NTRK2: variants seen among roughly 807,000 people sequenced by gnomAD.
NTRK2 encodes the protein BDNF/NT-3 growth factors receptor.
Under a neutral mutation model 94.5 loss-of-function variants are expected in NTRK2, and 13 were observed. The ratio of observed to expected loss-of-function variants is 0.14; its 90% confidence interval spans 0.09 to 0.22. The LOEUF (loss-of-function observed/expected upper bound fraction) is 0.22, where lower values mean the gene tolerates loss of function less well. Ranked by LOEUF, NTRK2 falls within the 10% of genes least tolerant of loss-of-function variation. The pLI is 1.00. For missense variants in NTRK2, 639 were observed against 1,071.2 expected (o/e 0.60, Z 5.63); for synonymous variants, 372 against 407.4 (o/e 0.91, Z 1.05).
At chr9:84,953,661 G>C (rs1823753615) in intron 16 of NTRK2, among the ~76,000 whole-genome samples, 1 of 152,190 alleles carries the variant, frequency 6.6e-6, no homozygotes, top group Non-Finnish European at 1.5e-5. Flanking sequence ...GTTAGGACTG[G>C]CTTGTACAAA....
intron 9 of NTRK2, among the ~76,000 whole-genome samples, chr9:84,733,734 A>G (rs772985087): frequency 6.6e-6 from 1 of 152,134 alleles, no homozygotes; most frequent in Admixed American, 6.5e-5. Flanking sequence ...CCCTGCCTTG[A>G]TATTAGGCAG....
chr9:84,811,927 C>T (rs1218582403), intron 12 of NTRK2: 11 of 989,666 alleles, frequency 1.1e-5, no homozygotes, highest in African/African-American at 1.7e-5. Flanking sequence ...CCACCCCACC[C>T]TGTTCCTTTT....
Position 84,724,353 on chromosome 9 carries a change from C to T in NTRK2, c.850C>T (p.His284Tyr), listed in dbSNP as rs759501723. 6.2e-7 allele frequency: 1 copy of T among 1,614,128 alleles called. No homozygotes were observed. The highest frequency in any genetic ancestry group is 8.5e-7 in the Non-Finnish European group (1 of 1,179,986). ...EDQDSVNLTV[H>Y]FAPTITFLES... The stretch of plus-strand genomic sequence containing the variant: ...TCAAGATTCTGTCAACCTCACTGTG[C>T]ATTGTACGTAATCAGACTGGCATGT... Residue 284 changes from histidine to tyrosine, a missense_variant, in exon 8 of 19, where the codon CAT becomes TAT. His to Tyr is a moderately conservative substitution (Grantham distance 83). Coordinates refer to ENST00000277120, the MANE Select transcript of NTRK2 (RefSeq NM_006180.6).
intron 12 of NTRK2, among the ~76,000 whole-genome samples, chr9:84,856,616 C>G (rs1011600387): frequency 6.6e-6 from 1 of 152,078 alleles, no homozygotes; most frequent in East Asian, 1.9e-4. Context: ...GCAAAGCAGC[C>G]CGGGGACTCC....
rs1052936605 is a variant in NTRK2, at chr9:84,861,076, G to A, written c.1433G>A (p.Arg478Lys). The change falls in exon 13 of 19, where the codon AGA (arginine) becomes AAA (lysine). Residue 478 changes from arginine to lysine, a missense_variant. Arg to Lys is a conservative substitution (Grantham distance 26). Transcript: ENST00000277120. ...SWFGFGKVKS[R>K]QGVGPASVIS... Reference sequence around the variant, plus strand: ...TTTGGATTTGGGAAAGTAAAATCAAGACAAGGTGTTGGTAAGTAGTTAACT... The same window carrying A: ...TTTGGATTTGGGAAAGTAAAATCAAAACAAGGTGTTGGTAAGTAGTTAACT... The A allele has an allele frequency of 2.5e-6, 4 of 1,612,788 alleles. No homozygotes were observed. In the African/African-American group the frequency reaches 5.3e-5, roughly 22 times the overall value.
intron 12 of NTRK2, among the ~76,000 whole-genome samples, chr9:84,760,183 C>A (rs1034434227): frequency 9.2e-5 from 14 of 152,216 alleles, no homozygotes; most frequent in Non-Finnish European, 1.3e-4. Flanking sequence ...TGCTGGTCAT[C>A]ATTTTGGGCA....
chr9:84,742,876 C>G (rs55748316), intron 10 of NTRK2, among the ~76,000 whole-genome samples: 7 of 146,096 alleles, frequency 4.8e-5, no homozygotes, highest in Non-Finnish European at 1.0e-4. Flanking sequence ...TCTATGCTCA[C>G]TGCAACCTCC....
At chr9:84,884,476 AAAG>A (rs993852835) in intron 14 of NTRK2, among the ~76,000 whole-genome samples, 239 of 152,312 alleles carry the variant, frequency 1.6e-3, no homozygotes, top group African/African-American at 5.6e-3. Flanking sequence ...TTTTTTAAAA[AAAG>A]AAGATGGGAG....
chr9:84,837,590 CTGAT>C (rs2073951177), intron 12 of NTRK2, among the ~76,000 whole-genome samples: 1 of 152,156 alleles, frequency 6.6e-6, no homozygotes, highest in Non-Finnish European at 1.5e-5. Flanking sequence ...AGAATTTTGT[CTGAT>C]TGAATAGAGA....
rs1426369993 is a variant in NTRK2, at chr9:85,021,996, T to C, written c.*559T>C. 2 of 238,328 alleles carry C rather than the reference T, an allele frequency of 8.4e-6. No homozygotes were observed. The highest frequency in any genetic ancestry group is 1.1e-4 in the Admixed American group (2 of 18,834). The allele number at this position is 238,328 out of a possible 1,614,324, so 14.8% of individuals were successfully genotyped here. ...TATTTATTTATTATTATTACTGTTCTTATTGTTTTTGGATGGCTTAAGCCT... is the reference window on the plus strand; with the variant it reads ...TATTTATTTATTATTATTACTGTTCCTATTGTTTTTGGATGGCTTAAGCCT... On this transcript the variant is annotated 3_prime_UTR_variant, in exon 19 of 19. Coordinates refer to ENST00000277120, the MANE Select transcript of NTRK2 (RefSeq NM_006180.6).
intron 14 of NTRK2, among the ~76,000 whole-genome samples, chr9:84,926,778 C>T (rs1320660632): frequency 6.6e-6 from 1 of 152,140 alleles, no homozygotes; most frequent in Non-Finnish European, 1.5e-5. Context: ...ATTCCAGGCT[C>T]AGCAGTGGAT....
chr9:84,887,422 C>T (rs1471618363), intron 14 of NTRK2, among the ~76,000 whole-genome samples: 1 of 152,210 alleles, frequency 6.6e-6, no homozygotes, highest in East Asian at 1.9e-4. Flanking sequence ...GACCTGCTCA[C>T]CTCCTAGTGA....
rs1263542133 is a variant in NTRK2 at position 84,934,248 on chromosome 9, T to C, written c.1720T>C (p.Tyr574His). 1.2e-6 allele frequency: 2 copies of C among 1,614,056 alleles called. No individual in the cohort carries two copies. Among genetic ancestry groups the C allele is most frequent in the Non-Finnish European group, 8.5e-7 (1 of 1,179,942 alleles). ...TGGAAAAGTGTTCCTAGCTGAATGC[T>C]ATAACCTCTGTCCTGAGCAGGACAA... ...AFGKVFLAECYNLCPEQDKIL... is the reference protein window; with the variant it reads ...AFGKVFLAECHNLCPEQDKIL... Residue 574 changes from tyrosine (Y) to histidine (H), a missense_variant, in exon 15 of 19, where the codon TAT (tyrosine) becomes CAT (histidine). By Grantham distance (83) the Tyr-to-His change is moderately conservative. Around this residue, in one of 5 missense-constraint regions of NTRK2, gnomAD observed 343 missense variants for 571.5 expected, o/e 0.60. Coordinates refer to ENST00000277120, the MANE Select transcript of NTRK2 (RefSeq NM_006180.6).
chr9:84,687,160 T>G (rs1193559899), intron 2 of NTRK2, among the ~76,000 whole-genome samples: 1 of 152,178 alleles, frequency 6.6e-6, no homozygotes, highest in East Asian at 1.9e-4. Context: ...GTGATTCACC[T>G]GCCTTTGGCC....
chr9:84,812,228 T>C, intron 12 of NTRK2: 1 of 1,056,390 alleles, frequency 9.5e-7, no homozygotes, highest in African/African-American at 1.6e-5. Context: ...AAAAAGGATA[T>C]CCATAATGAA....
chr9:84,870,078 A>G lies in NTRK2; in HGVS notation c.1633+2647A>G, dbSNP rs1244413859. 4.3e-5 allele frequency among the ~76,000 whole-genome samples: 6 copies of G among 140,622 alleles called. No individual in the cohort carries two copies. In the Admixed American group the frequency reaches 4.4e-4, roughly 10 times the overall value. 92.3% of individuals were successfully genotyped at this position (140,622 alleles called of 152,430 possible). The stretch of plus-strand genomic sequence containing the variant: ...TGAAATGTTGAGAACTTAGATTTCA[A>G]TTAGATAATTCCCATTGACTATATA... On this transcript the variant is annotated intron_variant, in intron 14 of 18. Transcript: ENST00000277120.
At chr9:84,804,752 C>T (rs2133444158) in intron 12 of NTRK2, among the ~76,000 whole-genome samples, 1 of 152,248 alleles carries the variant, frequency 6.6e-6, no homozygotes, top group Non-Finnish European at 1.5e-5. Context: ...CACTGATAAG[C>T]CCCTCTAGAC....
chr9:84,827,739 G>A lies in NTRK2; in HGVS notation c.1397-33301G>A, dbSNP rs180834717. On this transcript the variant is annotated intron_variant, in intron 12 of 18. Transcript: ENST00000277120. ...CCTGACTTCATTGCAAGCTGCCAAT[G>A]CTTACTGCTTGTTGTCTATGTCCTC... 6.4e-3 allele frequency among the ~76,000 whole-genome samples: 966 copies of A among 151,322 alleles called. 3 individuals are homozygous for A. The highest frequency in any genetic ancestry group is 9.5e-3 in the Non-Finnish European group (648 of 67,910).
intron 14 of NTRK2, chr9:84,873,571 A>G (rs2075954351): frequency 9.5e-7 from 1 of 1,053,666 alleles, no homozygotes; most frequent in Non-Finnish European, 1.1e-6. Flanking sequence ...AGATGATAAG[A>G]AGCTATCAAA....
Sources: gnomAD v4.1 joint callset for allele counts (sites outside exome capture counted in the v4.1 genomes callset) on GRCh38, gnomAD v4.1.1 for gene constraint, gnomAD v4.1.1 regional missense constraint, MANE v1.5 for transcripts, NCBI Gene and HGNC (gene_info 2026-07-23, HGNC 2026-07-21) for gene names.